Variants in INAVA observed in about 807,000 individuals in gnomAD.
INAVA encodes the protein innate immunity activator protein.
A neutral mutation model predicts 55.3 loss-of-function variants in INAVA; 32 were observed. The observed-to-expected ratio is 0.58, with a 90% CI of 0.44 to 0.78. The LOEUF (loss-of-function observed/expected upper bound fraction) is 0.78, where lower values mean the gene tolerates loss of function less well. Among genes scored for constraint, INAVA ranks in the 30% least tolerant of loss-of-function variants. The pLI is 0.00. For synonymous variants in INAVA, 294 were observed against 329.4 expected, an observed-to-expected ratio of 0.89 and a Z score of 1.16; for missense variants, 756 against 786.4, an observed-to-expected ratio of 0.96 and a Z score of 0.46.
upstream of INAVA, chr1:200,891,833 A>G (rs1668245318): frequency 3.7e-6 from 2 of 537,448 alleles, no homozygotes; most frequent in Non-Finnish European, 6.1e-6. Context: ...AAGGGGCAGG[A>G]ATTCTGAGTT....
chr1:200,905,427 C>G (rs1281553507), intron 5 of INAVA, among the ~76,000 whole-genome samples: 1 of 152,060 alleles, frequency 6.6e-6, no homozygotes, highest in African/African-American at 2.4e-5. Flanking sequence ...TTGTGGACAC[C>G]TATAGTCCCA....
In INAVA at chr1:200,898,354, G is replaced by A. The variant is rs139792321; in HGVS notation, c.-47G>A. On this transcript the variant is annotated 5_prime_UTR_variant, in exon 2 of 10. Coordinates refer to ENST00000413687, the MANE Select transcript of INAVA (RefSeq NM_001142569.3). Reference sequence around the variant, plus strand: ...ACACAACCTGGCCCAGGCTGGTCACGGTGTCCCCCCTCCCTGCTCTGTGCC... The same window carrying A: ...ACACAACCTGGCCCAGGCTGGTCACAGTGTCCCCCCTCCCTGCTCTGTGCC... 151 of 1,614,072 alleles carry A rather than the reference G, an allele frequency of 9.4e-5. No homozygotes were observed. In the East Asian group the frequency reaches 3.1e-3, roughly 34 times the overall value.
rs1235745828 is a variant in INAVA, at chr1:200,914,238, T to A, written c.*609T>A. ...GTCTTGCTAGACCCTGCTATTTTCC[T>A]GACCCCCTAAATCCTCTTTAGGGAC... On this transcript the variant is annotated 3_prime_UTR_variant, in exon 10 of 10. Transcript: ENST00000413687. 1 of 152,562 alleles carries A rather than the reference T, an allele frequency of 6.6e-6. No homozygotes were observed. Among genetic ancestry groups the A allele is most frequent in the Non-Finnish European group, 1.5e-5 (1 of 68,238 alleles). 9.5% of individuals were successfully genotyped at this position (152,562 alleles called of 1,614,324 possible). A position where few individuals can be genotyped will look rare whatever the true frequency, so the allele number is the denominator to read the frequency against.
chr1:200,899,555 G>C lies in INAVA; in HGVS notation c.138G>C (p.Glu46Asp), dbSNP rs1448656829. The change falls in exon 3 of 10, where the codon GAG (glutamate) becomes GAC (aspartate). Residue 46 changes from glutamate to aspartate, a missense_variant. Coordinates refer to ENST00000413687, the MANE Select transcript of INAVA (RefSeq NM_001142569.3). ...KQQRALEARL[E>D]ACLEELRRLC... ...AGAGGGCCCTGGAAGCGAGGCTGGAGGCCTGCCTGGAGGAGCTGAGGAGAC... is the reference window on the plus strand; with the variant it reads ...AGAGGGCCCTGGAAGCGAGGCTGGACGCCTGCCTGGAGGAGCTGAGGAGAC... The C allele has an allele frequency of 6.2e-7, 1 of 1,613,532 alleles. No homozygotes were observed. Among genetic ancestry groups the C allele is most frequent in the Non-Finnish European group, 8.5e-7 (1 of 1,179,868 alleles).
At chr1:200,892,238 T>C (rs1668252513), upstream of INAVA, among the ~76,000 whole-genome samples, 3 of 152,174 alleles carry the variant, frequency 2.0e-5, no homozygotes, top group Admixed American at 2.0e-4. Flanking sequence ...CTTCCTTTTT[T>C]CACTGTTGTC....
chr1:200,898,096 C>T (rs2102301704), intron 1 of INAVA, among the ~76,000 whole-genome samples: 1 of 152,272 alleles, frequency 6.6e-6, no homozygotes, highest in Middle Eastern at 3.4e-3. Context: ...AGGCTGGGCC[C>T]CTGAGAGCCC....
chr1:200,896,855 C>A (rs1007709340), intron 1 of INAVA, among the ~76,000 whole-genome samples: 8 of 152,374 alleles, frequency 5.3e-5, no homozygotes, highest in East Asian at 1.9e-4. Context: ...TCACCTCCCC[C>A]ACCCTGCGGC....
chr1:200,905,352 C>T (rs1463482584), intron 5 of INAVA, among the ~76,000 whole-genome samples: 2 of 152,064 alleles, frequency 1.3e-5, no homozygotes, highest in Admixed American at 6.6e-5. Flanking sequence ...ATGAGACCTG[C>T]CTGGACCACA....
intron 6 of INAVA, 59 bp downstream of exon 6, chr1:200,907,946 G>T: frequency 6.9e-7 from 1 of 1,443,292 alleles, no homozygotes; most frequent in Non-Finnish European, 9.7e-7. Flanking sequence ...AAGACCATGG[G>T]GTTTGGGCAG....
chr1:200,899,365 GTGTGTGTGCA>G (rs71138306), intron 2 of INAVA, 98 bp from the exon 3 acceptor site: 458,301 of 1,430,840 alleles, frequency 0.32, 69,460 homozygotes, highest in Non-Finnish European at 0.36. Flanking sequence ...AGATGTGTGT[GTGTGTGTGCA>G]TGTGTGTGCA....
chr1:200,898,533 G>GAGCCCTC, intron 2 of INAVA, 78 bp downstream of exon 2: 1 of 1,518,092 alleles, frequency 6.6e-7, no homozygotes, highest in Non-Finnish European at 9.0e-7. Context: ...CCTGAGTCCT[G>GAGCCCTC]AGCCCTCAGG....
chr1:200,897,275 C>A (rs1668372757), intron 1 of INAVA, among the ~76,000 whole-genome samples: 2 of 152,348 alleles, frequency 1.3e-5, no homozygotes, highest in South Asian at 2.1e-4. Flanking sequence ...TCTTGGCAAC[C>A]CTGATAGACA....
intron 1 of INAVA, among the ~76,000 whole-genome samples, chr1:200,897,096 G>A (rs1668370068): frequency 6.6e-6 from 1 of 152,220 alleles, no homozygotes; most frequent in Non-Finnish European, 1.5e-5. Flanking sequence ...GAGAGGGGGT[G>A]GGCACAGGTG....
chr1:200,912,161 CGGGGCCAGGCAG>C, intron 9 of INAVA, 24 bp downstream of exon 9: 1 of 1,530,402 alleles, frequency 6.5e-7, no homozygotes, highest in Non-Finnish European at 8.8e-7. Flanking sequence ...GGAGGGACCC[CGGGGCCAGGCAG>C]GAGGGCTGTT....
intron 4 of INAVA, 49 bp downstream of exon 4, chr1:200,900,269 T>A: frequency 6.6e-7 from 1 of 1,511,168 alleles, no homozygotes; most frequent in East Asian, 2.3e-5. Flanking sequence ...CCAAAGCTGA[T>A]CACTGAGACG....
intron 5 of INAVA, among the ~76,000 whole-genome samples, chr1:200,905,552 A>G (rs1277291979): frequency 6.6e-6 from 1 of 152,166 alleles, no homozygotes; most frequent in African/African-American, 2.4e-5. Context: ...ACCCATCTTT[A>G]AAAAGATGGG....
In INAVA at chr1:200,899,457, C is replaced by T. The variant is rs1157270588; in HGVS notation, c.56-16C>T. On this transcript the variant is annotated splice_polypyrimidine_tract_variant and intron_variant, in intron 2 of 9. Transcript: ENST00000413687. ...ATCTTCAGCCTCCCTGAGCATGTGC[C>T]CCCCAACCCTTGCAGGCCCCGACAG... 2 of 1,613,550 alleles carry T rather than the reference C, an allele frequency of 1.2e-6. No individual in the cohort carries two copies. The highest frequency in any genetic ancestry group is 1.3e-5 in the African/African-American group (1 of 74,900).
At position 200,909,252 on chromosome 1, in the gene INAVA, C is replaced by T; in HGVS notation, c.814C>T (p.Pro272Ser). ...CCCAGCCACCACACCACAGGATGGG[C>T]CCAGTGCCTCCAGCCTGTGGCTTCT... Reference protein sequence around the residue: ...SSPATTPQDGPSASSLWLLEP... With the variant: ...SSPATTPQDGSSASSLWLLEP... Residue 272 changes from proline (P) to serine (S), a missense_variant, in exon 8 of 10, where the codon CCC becomes TCC. Transcript: ENST00000413687. 6.3e-7 allele frequency: 1 copy of T among 1,596,674 alleles called. No individual in the cohort carries two copies. Among genetic ancestry groups the T allele is most frequent in the Non-Finnish European group, 8.5e-7 (1 of 1,169,670 alleles).
At chr1:200,907,122 G>A (rs775307291) in intron 5 of INAVA, among the ~76,000 whole-genome samples, 1 of 152,096 alleles carries the variant, frequency 6.6e-6, no homozygotes, top group Non-Finnish European at 1.5e-5. Context: ...ACCGCGCCTG[G>A]CCATGAAATT....
Sources: gnomAD v4.1 joint callset for allele counts (sites outside exome capture counted in the v4.1 genomes callset) on GRCh38, gnomAD v4.1.1 for gene constraint, MANE v1.5 for transcripts, NCBI Gene and HGNC (gene_info 2026-07-23, HGNC 2026-07-21) for gene names.